Variants in MTUS1 observed in about 807,000 individuals in gnomAD.
The protein encoded by MTUS1 is microtubule associated scaffold protein 1.
MTUS1 carries 109 observed loss-of-function variants against 120.8 expected under a neutral mutation model. The observed-to-expected ratio is 0.90, with a 90% CI of 0.77 to 1.06. The LOEUF is 1.06. Among genes scored for constraint, MTUS1 ranks in the 50% least tolerant of loss-of-function variants. The pLI is 0.00. For missense variants in MTUS1, 2,210 were observed against 1,486.3 expected, an observed-to-expected ratio of 1.49 and a Z score of -8.01; for synonymous variants, 737 against 550.5, an observed-to-expected ratio of 1.34 and a Z score of -4.74.
At chr8:17,710,911 A>C (rs1235185285) in intron 6 of MTUS1, among the ~76,000 whole-genome samples, 2 of 152,196 alleles carry the variant, frequency 1.3e-5, no homozygotes, top group Non-Finnish European at 2.9e-5. Flanking sequence ...TATGTAATAC[A>C]CTATACTATA....
At chr8:17,688,565 C>T (rs943924865) in intron 6 of MTUS1, among the ~76,000 whole-genome samples, 1 of 152,192 alleles carries the variant, frequency 6.6e-6, no homozygotes, top group Non-Finnish European at 1.5e-5. Flanking sequence ...ACAGAAAATT[C>T]CCTTTTTTCT....
At chr8:17,704,420 C>A (rs183702530) in intron 6 of MTUS1, among the ~76,000 whole-genome samples, 4 of 152,228 alleles carry the variant, frequency 2.6e-5, no homozygotes, top group African/African-American at 9.6e-5. Flanking sequence ...ATATTTAAGT[C>A]TTTAATCCAT....
chr8:17,749,102 G>A (rs2047989587), intron 2 of MTUS1, among the ~76,000 whole-genome samples: 1 of 152,082 alleles, frequency 6.6e-6, no homozygotes, highest in Non-Finnish European at 1.5e-5. Flanking sequence ...GAAAGGAAGG[G>A]GGAGTCAGAC....
intron 1 of MTUS1, among the ~76,000 whole-genome samples, chr8:17,766,353 A>T (rs1459148526): frequency 6.6e-6 from 1 of 152,168 alleles, no homozygotes; most frequent in African/African-American, 2.4e-5. Context: ...TTTAATTCCC[A>T]CTCATGCCAA....
At chr8:17,722,741 A>C (rs2045933117) in intron 4 of MTUS1, 2 of 172,766 alleles carry the variant, frequency 1.2e-5, no homozygotes, top group African/African-American at 4.8e-5. Flanking sequence ...CCTTCTATAT[A>C]AATATCAGGG....
chr8:17,727,254 C>T (rs772408834), intron 3 of MTUS1, among the ~76,000 whole-genome samples: 1 of 152,220 alleles, frequency 6.6e-6, no homozygotes, highest in African/African-American at 2.4e-5. Flanking sequence ...GTGACTATTA[C>T]TATCCCAGTT....
chr8:17,692,775 C>G (rs1817210931), intron 6 of MTUS1, among the ~76,000 whole-genome samples: 1 of 151,942 alleles, frequency 6.6e-6, no homozygotes, highest in Non-Finnish European at 1.5e-5. Context: ...ATTTATTGTA[C>G]AAGAATCTGT....
intron 6 of MTUS1, among the ~76,000 whole-genome samples, chr8:17,703,628 CAA>C (rs140018758): frequency 1.1e-4 from 13 of 115,074 alleles, no homozygotes; most frequent in Non-Finnish European, 1.3e-4. Context: ...GACTCTGTCT[CAA>C]AAAAAAAAAA....
rs531411299 is a variant in MTUS1 at position 17,654,937 on chromosome 8, C to T, written c.3109-271G>A. 638 of 456,108 alleles carry T rather than the reference C, an allele frequency of 1.4e-3. 1 individual carries two copies. Among genetic ancestry groups the T allele is most frequent in the Non-Finnish European group, 2.0e-3 (515 of 254,344 alleles). The allele number at this position is 456,108 out of a possible 1,614,324, so 28.3% of individuals were successfully genotyped here. A position where few individuals can be genotyped will look rare whatever the true frequency, so the allele number is the denominator to read the frequency against. On this transcript the variant is annotated intron_variant, in intron 9 of 14. Coordinates refer to ENST00000693296, the MANE Select transcript of MTUS1 (RefSeq NM_001363059.2). The stretch of plus-strand genomic sequence containing the variant: ...GACTCTGTCCCCACATGTGCACACA[C>T]AAAGAATGCATGAAGAGCAACGCAA...
At chr8:17,775,281 TA>T (rs1262631733) in intron 1 of MTUS1, among the ~76,000 whole-genome samples, 1 of 152,070 alleles carries the variant, frequency 6.6e-6, no homozygotes, top group Non-Finnish European at 1.5e-5. Flanking sequence ...ATTTTTTTTT[TA>T]AAGCAACACC....
In MTUS1 at chr8:17,744,689, C is replaced by CTTTTTTTTTTTTTTTTTTT. The variant is rs58283163; in HGVS notation, c.2092-909_2092-891dup. Among the ~76,000 whole-genome samples, 127 of 99,016 alleles carry CTTTTTTTTTTTTTTTTTTT rather than the reference C, an allele frequency of 1.3e-3. 2 individuals carry two copies. The highest frequency in any genetic ancestry group is 1.6e-3 in the Non-Finnish European group (83 of 50,654). The allele number at this position is 99,016 out of a possible 152,430, so 65.0% of individuals were successfully genotyped here. A position where few individuals can be genotyped will look rare whatever the true frequency, so the allele number is the denominator to read the frequency against. ...TGGAGATGGGGTTTCACCATGTTTT[C>CTTTTTTTTTTTTTTTTTTT]TTTTTTTTTTTTTTTTTTTTGATTT... On this transcript the variant is annotated intron_variant, in intron 2 of 14. Coordinates refer to ENST00000693296, the MANE Select transcript of MTUS1 (RefSeq NM_001363059.2).
Position 17,753,833 on chromosome 8 carries a change from T to C in MTUS1, c.1975A>G (p.Ile659Val), listed in dbSNP as rs376759161. The change falls in exon 2 of 15, where the codon ATT (isoleucine) becomes GTT (valine). Residue 659 changes from isoleucine (I) to valine (V), a missense_variant. By Grantham distance (29) the Ile-to-Val change is conservative (BLOSUM62 3). Coordinates refer to ENST00000693296, the MANE Select transcript of MTUS1 (RefSeq NM_001363059.2). ...ECLEMTYVPN[I>V]DRISPEKKGE... ...TTCTTTTCAGGGCTAATCCTATCAATGTTGGGAACATAGGTCATTTCCAAA... is the reference window on the plus strand; with the variant it reads ...TTCTTTTCAGGGCTAATCCTATCAACGTTGGGAACATAGGTCATTTCCAAA... 6.2e-7 allele frequency: 1 copy of C among 1,614,208 alleles called. No individual in the cohort carries two copies.
At chr8:17,722,330 T>C in intron 4 of MTUS1, 1 of 967,694 alleles carries the variant, frequency 1.0e-6, no homozygotes, top group Non-Finnish European at 1.2e-6. Context: ...ACAGTTTTTC[T>C]AGAGCATGTT....
chr8:17,656,443 G>T (rs1808249644), intron 8 of MTUS1, among the ~76,000 whole-genome samples: 1 of 151,620 alleles, frequency 6.6e-6, no homozygotes, highest in South Asian at 2.1e-4. Context: ...CAGGAGAATT[G>T]CTTGAACCCG....
chr8:17,755,154 T>G lies in MTUS1; in HGVS notation c.654A>C (p.Ala218=). 6.2e-7 allele frequency: 1 copy of G among 1,614,214 alleles called. No individual in the cohort carries two copies. Among genetic ancestry groups the G allele is most frequent in the Non-Finnish European group, 8.5e-7 (1 of 1,180,038 alleles). ...TTTCTCTATCATAAGTAGTTTCTCT[T>G]GCATGCGTCTTATCAGAATGGGAAG... ...WTSSHSDKTH[A]RETTYDRESF... is the part of the protein sequence containing the mutation. Residue 218 remains alanine (A), a synonymous_variant, in exon 2 of 15, where the codon GCA becomes GCC. Coordinates refer to ENST00000693296, the MANE Select transcript of MTUS1 (RefSeq NM_001363059.2).
At chr8:17,734,290 T>C (rs1172844542) in intron 3 of MTUS1, 3 of 152,228 alleles carry the variant, frequency 2.0e-5, no homozygotes, top group African/African-American at 4.8e-5. Context: ...TTGCAAATAG[T>C]GATTTTACTA....
At chr8:17,752,897 A>G (rs539565618) in intron 2 of MTUS1, among the ~76,000 whole-genome samples, 16 of 152,266 alleles carry the variant, frequency 1.1e-4, no homozygotes, top group African/African-American at 3.6e-4. Context: ...TGGCCTGTCA[A>G]ATGTTTTTAA....
At chr8:17,737,437 A>T (rs2047012792) in intron 3 of MTUS1, among the ~76,000 whole-genome samples, 1 of 152,236 alleles carries the variant, frequency 6.6e-6, no homozygotes, top group South Asian at 2.1e-4. Context: ...TAAGGAAACT[A>T]ATTTAATTAC....
intron 4 of MTUS1, among the ~76,000 whole-genome samples, chr8:17,721,162 C>A (rs1328328400): frequency 2.6e-5 from 4 of 152,134 alleles, no homozygotes; most frequent in African/African-American, 9.7e-5. Context: ...GATTCAAATA[C>A]TTAAGCCAGT....
Sources: gnomAD v4.1 joint callset for allele counts (sites outside exome capture counted in the v4.1 genomes callset) on GRCh38, gnomAD v4.1.1 for gene constraint, MANE v1.5 for transcripts, NCBI Gene and HGNC (gene_info 2026-07-23, HGNC 2026-07-21) for gene names.